CACNG6: variants seen among roughly 807,000 people sequenced by gnomAD.
The protein encoded by CACNG6 is calcium voltage-gated channel auxiliary subunit gamma 6.
CACNG6 carries 21 observed loss-of-function variants against 23.9 expected under a neutral mutation model. That is an observed-to-expected ratio of 0.88 (90% CI 0.62 to 1.26). CACNG6 has a LOEUF of 1.26. Ranked by LOEUF, CACNG6 falls within the 50% of genes most tolerant of loss-of-function variation. CACNG6 has a pLI of 0.00. For missense variants in CACNG6, 340 were observed against 352.9 expected (o/e 0.96, Z 0.29); for synonymous variants, 182 against 168.9 (o/e 1.08, Z -0.60).
intron 1 of CACNG6, among the ~76,000 whole-genome samples, chr19:53,996,516 C>T (rs989734503): frequency 2.4e-4 from 36 of 152,048 alleles, no homozygotes; most frequent in African/African-American, 8.7e-4. Context: ...CCTCAGCCTC[C>T]TGAGTAGCTG....
chr19:54,011,873 C>G (rs979443281), intron 3 of CACNG6, 78 bp from the exon 4 acceptor site: 1 of 1,063,778 alleles, frequency 9.4e-7, no homozygotes, highest in African/African-American at 1.7e-5. Context: ...GGCGGGAGGG[C>G]TGGGAGCGGA....
upstream of CACNG6, among the ~76,000 whole-genome samples, chr19:53,991,363 T>C (rs2069456544): frequency 6.6e-6 from 1 of 151,616 alleles, no homozygotes. Flanking sequence ...CCCGCCCGTC[T>C]CCTGCTGCCC....
At chr19:54,008,732 A>G (rs1161846457) in intron 3 of CACNG6, among the ~76,000 whole-genome samples, 1 of 152,180 alleles carries the variant, frequency 6.6e-6, no homozygotes, top group Admixed American at 6.5e-5. Flanking sequence ...TTCAGGTCCC[A>G]GCTCAAATGG....
chr19:54,006,928 C>T (rs764088707), intron 3 of CACNG6, among the ~76,000 whole-genome samples: 1 of 151,296 alleles, frequency 6.6e-6, no homozygotes, highest in Non-Finnish European at 1.5e-5. Flanking sequence ...GAATTCCTGG[C>T]CTCAAGAGAT....
In CACNG6 at chr19:53,999,635, G is replaced by T; in HGVS notation, c.408G>T (p.Glu136Asp). 11 of 1,613,434 alleles carry T rather than the reference G, an allele frequency of 6.8e-6. No homozygotes were observed. The highest frequency in any genetic ancestry group is 9.3e-6 in the Non-Finnish European group (11 of 1,179,970). The change falls in exon 3 of 4, where the codon GAG becomes GAT. Residue 136 changes from glutamate to aspartate, a missense_variant and splice_region_variant. By Grantham distance (45) the Glu-to-Asp change is conservative. Transcript: ENST00000252729. ...TTCTTTCCTCTCTCCTGCTGGCAGAGGTGAATCTGGCAGCTGCGGTGATAG... is the reference window on the plus strand; with the variant it reads ...TTCTTTCCTCTCTCCTGCTGGCAGATGTGAATCTGGCAGCTGCGGTGATAG... ...ARIFQRTTKK[E>D]VNLAAAVIAV... is the part of the protein sequence containing the mutation.
intron 1 of CACNG6, among the ~76,000 whole-genome samples, chr19:53,994,684 T>C (rs1183581551): frequency 6.6e-6 from 1 of 152,150 alleles, no homozygotes; most frequent in Non-Finnish European, 1.5e-5. Context: ...CTGGGCTCCG[T>C]ATGAGATTTC....
intron 3 of CACNG6, among the ~76,000 whole-genome samples, chr19:54,011,246 A>ACACACACACAC (rs58218407): frequency 7.3e-6 from 1 of 137,436 alleles, no homozygotes; most frequent in Non-Finnish European, 1.5e-5. Flanking sequence ...ACACACACAC[A>ACACACACACAC]AAAATTAGCC....
chr19:53,991,588 A>AGGGTGGGGGGTGGGC (rs972521547), upstream of CACNG6, among the ~76,000 whole-genome samples: 3 of 2,178 alleles, frequency 1.4e-3, no homozygotes, highest in East Asian at 0.013. Context: ...TGGAGGGTGG[A>AGGGTGGGGGGTGGGC]GGGTGGGGGG....
At chr19:54,009,132 T>A in intron 3 of CACNG6, among the ~76,000 whole-genome samples, 1 of 151,412 alleles carries the variant, frequency 6.6e-6, no homozygotes. Flanking sequence ...CTACTAAAAA[T>A]ACAAAAATTG....
At chr19:54,009,375 C>T (rs955325394) in intron 3 of CACNG6, among the ~76,000 whole-genome samples, 8 of 124,728 alleles carry the variant, frequency 6.4e-5, no homozygotes, top group Non-Finnish European at 1.3e-4. Context: ...GAGCTGAGAT[C>T]ATGTCACTGC....
chr19:54,005,751 T>TTAAAA (rs79507810), intron 3 of CACNG6, among the ~76,000 whole-genome samples: 2,557 of 141,118 alleles, frequency 0.018, 40 homozygotes, highest in Middle Eastern at 0.032. Context: ...AGACTCCCTC[T>TTAAAA]TAAAATAAAA....
chr19:54,011,785 C>T (rs2069718020), intron 3 of CACNG6, among the ~76,000 whole-genome samples, 166 bp from the exon 4 acceptor site: 1 of 146,600 alleles, frequency 6.8e-6, no homozygotes, highest in South Asian at 2.1e-4. Flanking sequence ...TTATCTCCAG[C>T]TTCCCAAATG....
intron 3 of CACNG6, among the ~76,000 whole-genome samples, chr19:54,009,576 G>A (rs903476904): frequency 6.6e-6 from 1 of 152,030 alleles, no homozygotes; most frequent in Non-Finnish European, 1.5e-5. Context: ...AGATCATGCT[G>A]TTGAGCAGCT....
intron 3 of CACNG6, among the ~76,000 whole-genome samples, chr19:54,006,886 C>T (rs566777469): frequency 7.9e-5 from 12 of 150,988 alleles, no homozygotes; most frequent in Admixed American, 7.3e-4. Context: ...TTTGTAGAGA[C>T]AGGGTCTCAC....
intron 3 of CACNG6, among the ~76,000 whole-genome samples, chr19:54,004,330 TA>T (rs1241772188): frequency 0.013 from 1,545 of 122,202 alleles, 43 homozygotes; most frequent in African/African-American, 0.06. Context: ...GTTAATTTTG[TA>T]TTTTTGTGTG....
At chr19:53,995,678 T>G (rs1259226203) in intron 1 of CACNG6, among the ~76,000 whole-genome samples, 2 of 152,230 alleles carry the variant, frequency 1.3e-5, no homozygotes, top group African/African-American at 4.8e-5. Context: ...TCTTTTTCTT[T>G]GAAATGGAGT....
intron 3 of CACNG6, among the ~76,000 whole-genome samples, chr19:54,006,517 C>CTTTTTTTTTTTTTTTT (rs1236056716): frequency 2.6e-4 from 28 of 107,322 alleles, no homozygotes; most frequent in African/African-American, 9.8e-4. Context: ...TTCCTTCTTT[C>CTTTTTTTTTTTTTTTT]TTTTCTTTTT....
chr19:54,004,670 C>G (rs1377104422), intron 3 of CACNG6, among the ~76,000 whole-genome samples: 1 of 152,160 alleles, frequency 6.6e-6, no homozygotes, highest in Non-Finnish European at 1.5e-5. Context: ...ACCTGCTCTC[C>G]CTGCTCCGGC....
intron 1 of CACNG6, among the ~76,000 whole-genome samples, chr19:53,993,611 C>T (rs1400916950): frequency 6.6e-6 from 1 of 151,418 alleles, no homozygotes; most frequent in East Asian, 2.0e-4. Context: ...GAGCTTGTGC[C>T]CCCGCCTACA....
Sources: gnomAD v4.1 joint callset for allele counts (sites outside exome capture counted in the v4.1 genomes callset) on GRCh38, gnomAD v4.1.1 for gene constraint, MANE v1.5 for transcripts, NCBI Gene and HGNC (gene_info 2026-07-23, HGNC 2026-07-21) for gene names.